The following PRTN3 variants were observed in gnomAD, a reference collection of about 807,000 sequenced individuals.
PRTN3 encodes the protein proteinase 3, also known as myeloblastin.
Under a neutral mutation model 20.7 loss-of-function variants are expected in PRTN3, and 22 were observed. The observed-to-expected ratio is 1.06, with a 90% CI of 0.76 to 1.52. PRTN3 has a LOEUF of 1.52. Ranked by LOEUF, PRTN3 falls within the 40% of genes most tolerant of loss-of-function variation. The pLI is 0.00. For missense variants in PRTN3, 378 were observed against 359.6 expected (o/e 1.05, Z -0.41); for synonymous variants, 173 against 152.9 (o/e 1.13, Z -0.97).
chr19:844,484 CCGCGCCTCTCCCCTG>C (rs1391760791), intron 3 of PRTN3, among the ~76,000 whole-genome samples: 2 of 95,572 alleles, frequency 2.1e-5, no homozygotes, highest in Non-Finnish European at 4.3e-5. Context: ...TCTCCCCCGC[CCGCGCCTCTCCCCTG>C]CGCGCCTCTC....
intron 2 of PRTN3, 113 bp downstream of exon 2, chr19:843,739 C>A (rs1385533883): frequency 1.4e-6 from 2 of 1,454,698 alleles, no homozygotes; most frequent in Non-Finnish European, 1.8e-6. Context: ...GTCTGCAGAC[C>A]CCAGGCCCCG....
At chr19:842,117 C>G in intron 1 of PRTN3, among the ~76,000 whole-genome samples, 1 of 151,744 alleles carries the variant, frequency 6.6e-6, no homozygotes, top group Non-Finnish European at 1.5e-5. Context: ...CCTCAGCCTC[C>G]TGGGGTCAAA....
chr19:841,094 T>G, intron 1 of PRTN3, 25 bp downstream of exon 1: 1 of 1,601,114 alleles, frequency 6.2e-7, no homozygotes, highest in Non-Finnish European at 8.5e-7. Flanking sequence ...TGCCCATCCA[T>G]CCAGCCTCCA....
intron 1 of PRTN3, among the ~76,000 whole-genome samples, chr19:842,897 T>A (rs957143963): frequency 2.0e-5 from 3 of 150,154 alleles, no homozygotes; most frequent in Non-Finnish European, 4.4e-5. Flanking sequence ...CCAATTTTTC[T>A]GCTTCTTTAA....
chr19:842,606 T>TTTTTTTTTTGGGCG (rs2035460969), intron 1 of PRTN3, among the ~76,000 whole-genome samples: 1 of 141,410 alleles, frequency 7.1e-6, no homozygotes, highest in Non-Finnish European at 1.5e-5. Context: ...TTTTTTTTTT[T>TTTTTTTTTTGGGCG]GAGACGGAGT....
In PRTN3 at chr19:846,779, G is replaced by A. The variant is rs186753859; in HGVS notation, c.600+402G>A. On this transcript the variant is annotated intron_variant, in intron 4 of 4. Transcript: ENST00000234347. ...TGTTTTTGAGACGGAGTGTCGCTCTGTTGTCCAGGCTGGAGTGCAGTGGTG... is the reference window on the plus strand; with the variant it reads ...TGTTTTTGAGACGGAGTGTCGCTCTATTGTCCAGGCTGGAGTGCAGTGGTG... Among the ~76,000 whole-genome samples the A allele has an allele frequency of 2.0e-5, 3 of 152,232 alleles. No individual in the cohort carries two copies. The East Asian group carries it at 5.8e-4, about 29-fold the overall frequency.
rs777785892 is a variant in PRTN3, at chr19:846,358, G to T, written c.581G>T (p.Arg194Leu). Reference sequence around the variant, plus strand: ...AACATTTGCACTTTCGTCCCTCGCCGCAAGGCCGGCATCTGCTTCGTAAGT... The same window carrying T: ...AACATTTGCACTTTCGTCCCTCGCCTCAAGGCCGGCATCTGCTTCGTAAGT... The part of the protein sequence containing the change: ...PHNICTFVPR[R>L]KAGICFGDSG... The change falls in exon 4 of 5, where the codon CGC becomes CTC. Residue 194 changes from arginine (R) to leucine (L), a missense_variant. Coordinates refer to ENST00000234347, the MANE Select transcript of PRTN3 (RefSeq NM_002777.4). 92 of 1,557,338 alleles carry T rather than the reference G, an allele frequency of 5.9e-5. No homozygotes were observed. Among genetic ancestry groups the T allele is most frequent in the Non-Finnish European group, 7.7e-5 (89 of 1,151,570 alleles).
Position 847,806 on chromosome 19 carries a change from C to G in PRTN3, c.608C>G (p.Ser203Ter), listed in dbSNP as rs745714232. Residue 203 changes from serine (S) to a stop codon, truncating the protein, a stop_gained, in exon 5 of 5, where the codon TCA becomes TGA. Transcript: ENST00000234347. LOFTEE classifies it low-confidence loss of function (END_TRUNC). ...RRKAGICFGD[S>*]GGPLICDGII... ...GCCGTCCCTGTCCTCCAGGGAGACT[C>G]AGGTGGCCCCCTGATCTGTGATGGC... The G allele has an allele frequency of 1.2e-6, 2 of 1,607,800 alleles. No individual in the cohort carries two copies. Among genetic ancestry groups the G allele is most frequent in the Non-Finnish European group, 1.7e-6 (2 of 1,176,872 alleles).
chr19:841,529 T>A (rs905740275), intron 1 of PRTN3, among the ~76,000 whole-genome samples: 1 of 138,912 alleles, frequency 7.2e-6, no homozygotes, highest in Non-Finnish European at 1.5e-5. Flanking sequence ...AATGAGTGAA[T>A]GAATCAATGA....
chr19:846,321 T>A lies in PRTN3; in HGVS notation c.544T>A (p.Cys182Ser). 1 of 1,592,224 alleles carries A rather than the reference T, an allele frequency of 6.3e-7. No homozygotes were observed. The highest frequency in any genetic ancestry group is 8.5e-7 in the Non-Finnish European group (1 of 1,169,974). ...CAATGTCACCGTGGTCACCTTCTTC[T>A]GCCGGCCACATAACATTTGCACTTT... The part of the protein sequence containing the change: ...ELNVTVVTFF[C>S]RPHNICTFVP... Residue 182 changes from cysteine to serine, a missense_variant, in exon 4 of 5, where the codon TGC (cysteine) becomes AGC (serine). By Grantham distance (112) the Cys-to-Ser change is moderately radical. Coordinates refer to ENST00000234347, the MANE Select transcript of PRTN3 (RefSeq NM_002777.4).
chr19:841,652 G>C (rs540123528), intron 1 of PRTN3, among the ~76,000 whole-genome samples: 3 of 151,962 alleles, frequency 2.0e-5, no homozygotes, highest in East Asian at 1.9e-4. Flanking sequence ...CGAGGAGTTA[G>C]TGATGCTGGA....
At position 841,024 on chromosome 19, in the gene PRTN3, C is replaced by T. The variant is rs1389362734; in HGVS notation, c.16C>T (p.Pro6Ser). Residue 6 changes from proline to serine, a missense_variant, in exon 1 of 5, where the codon CCC becomes TCC. Pro to Ser is a moderately conservative substitution (Grantham distance 74). Transcript: ENST00000234347. ...GGACCCCACCATGGCTCACCGGCCC[C>T]CCAGCCCTGCCCTGGCGTCCGTGCT... The part of the protein sequence containing the change: MAHRP[P>S]SPALASVLLA... 3 of 1,608,894 alleles carry T rather than the reference C, an allele frequency of 1.9e-6. No homozygotes were observed. In the Admixed American group the frequency reaches 5.0e-5, roughly 27 times the overall value.
At chr19:843,774 G>A in intron 2 of PRTN3, 119 bp from the exon 3 acceptor site, 1 of 1,452,944 alleles carries the variant, frequency 6.9e-7, no homozygotes, top group Non-Finnish European at 9.1e-7. Context: ...TCTGGGGGGA[G>A]GCCCGGGGCA....
intron 1 of PRTN3, 186 bp from the exon 2 acceptor site, chr19:843,275 G>A (rs1184673469): frequency 6.7e-6 from 4 of 595,282 alleles, no homozygotes; most frequent in Non-Finnish European, 8.7e-6. Context: ...CCACCAGGGC[G>A]CCTTTGGAAA....
chr19:843,448 TC>T lies in PRTN3; in HGVS notation c.62-6del, dbSNP rs750699867. ...CCTGGGGGCTCCCTGACGCCTGGAC[TC>T]CCCCCCTGCAGGTGCTGCCCGAGCT... On this transcript the variant is annotated splice_polypyrimidine_tract_variant and intron_variant, in intron 1 of 4. Transcript: ENST00000234347. The T allele has an allele frequency of 8.4e-6, 13 of 1,544,078 alleles. No individual in the cohort carries two copies. Among genetic ancestry groups the T allele is most frequent in the South Asian group, 3.6e-5 (3 of 84,164 alleles).
chr19:843,784 A>G, intron 2 of PRTN3, 109 bp from the exon 3 acceptor site: 1 of 1,454,208 alleles, frequency 6.9e-7, no homozygotes. Flanking sequence ...GGCCCGGGGC[A>G]GGGTCGCCGA....
At chr19:842,780 G>T (rs1424451937) in intron 1 of PRTN3, among the ~76,000 whole-genome samples, 2 of 151,934 alleles carry the variant, frequency 1.3e-5, no homozygotes, top group South Asian at 4.2e-4. Flanking sequence ...TAGAGACAGG[G>T]TTTCACCATG....
chr19:841,321 G>A (rs969977197), intron 1 of PRTN3, among the ~76,000 whole-genome samples: 2 of 152,222 alleles, frequency 1.3e-5, no homozygotes, highest in African/African-American at 4.8e-5. Context: ...CCCTCCTGAG[G>A]AGCTGTTTTG....
chr19:844,664 C>T (rs941375986), intron 3 of PRTN3, among the ~76,000 whole-genome samples: 2 of 150,772 alleles, frequency 1.3e-5, no homozygotes, highest in African/African-American at 2.4e-5. Flanking sequence ...TCCACTGAAC[C>T]GCGTGCTCCT....
Sources: gnomAD v4.1 joint callset for allele counts (sites outside exome capture counted in the v4.1 genomes callset) on GRCh38, gnomAD v4.1.1 for gene constraint, MANE v1.5 for transcripts, NCBI Gene and HGNC (gene_info 2026-07-23, HGNC 2026-07-21) for gene names.